CCDC73: variants seen among roughly 807,000 people sequenced by gnomAD.
CCDC73 encodes coiled-coil domain-containing protein 73.
In CCDC73, 95 loss-of-function variants were observed where a neutral mutation model predicts 116.5. The observed-to-expected ratio is 0.82, with a 90% CI of 0.69 to 0.97. The LOEUF is 0.97. Among genes scored for constraint, CCDC73 ranks in the 50% least tolerant of loss-of-function variants. The pLI, the probability that CCDC73 is intolerant of heterozygous loss-of-function variation, is 0.00. For missense variants in CCDC73, 1,066 were observed against 1,206.8 expected (o/e 0.88, Z 1.73); for synonymous variants, 398 against 401.3 (o/e 0.99, Z 0.10).
intron 10 of CCDC73, 130 bp from the exon 11 acceptor site, chr11:32,654,167 G>A: frequency 1.2e-6 from 1 of 829,748 alleles, no homozygotes; most frequent in Non-Finnish European, 1.7e-6. Flanking sequence ...TTGTTTTTTT[G>A]TTTGTTTATT....
At chr11:32,749,888 T>C (rs76771854) in intron 2 of CCDC73, among the ~76,000 whole-genome samples, 1 of 143,382 alleles carries the variant, frequency 7.0e-6, no homozygotes, top group East Asian at 1.9e-4. Context: ...TTTTTTTTTT[T>C]GAGACGGAGT....
intron 3 of CCDC73, among the ~76,000 whole-genome samples, chr11:32,715,254 C>A (rs1422159027): frequency 6.6e-6 from 1 of 152,082 alleles, no homozygotes; most frequent in Non-Finnish European, 1.5e-5. Flanking sequence ...TGGTGTGAGT[C>A]CAATTACTAA....
chr11:32,646,059 CCA>C (rs1398722307), intron 12 of CCDC73, among the ~76,000 whole-genome samples: 3 of 152,072 alleles, frequency 2.0e-5, no homozygotes, highest in Admixed American at 6.5e-5. Context: ...GGAGAATAAA[CCA>C]CAGTCTCTAT....
Position 32,702,820 on chromosome 11 carries a change from G to A in CCDC73, c.279+53C>T. ...GCTTGCCATAATATTCATAGGAGGG[G>A]GAGGAAATGCAATATTTAAAATGGT... On this transcript the variant is annotated intron_variant, in intron 4 of 17. Coordinates refer to ENST00000335185, the MANE Select transcript of CCDC73 (RefSeq NM_001008391.4). 1.0e-5 allele frequency: 12 copies of A among 1,178,436 alleles called. No individual in the cohort carries two copies. In the South Asian group the frequency reaches 1.5e-4, roughly 14 times the overall value. 73.0% of individuals were successfully genotyped at this position (1,178,436 alleles called of 1,614,324 possible).
intron 12 of CCDC73, among the ~76,000 whole-genome samples, chr11:32,645,479 C>T (rs567220766): frequency 3.8e-4 from 58 of 151,832 alleles, no homozygotes; most frequent in Non-Finnish European, 4.6e-4. Flanking sequence ...TTAGTAGAGA[C>T]GGGGTTTCAC....
chr11:32,830,482 T>G, the CCDC73 span: 1 of 1,441,060 alleles, frequency 6.9e-7, no homozygotes, highest in Admixed American at 2.6e-5. Context: ...CCTTTTTTTT[T>G]TAATATTTTT....
At chr11:32,769,226 T>C (rs780899087) in intron 1 of CCDC73, among the ~76,000 whole-genome samples, 5 of 152,186 alleles carry the variant, frequency 3.3e-5, no homozygotes, top group Non-Finnish European at 2.9e-5. Context: ...ATAACAATGA[T>C]TTAAATTTCT....
chr11:32,816,138 G>A, the CCDC73 span, among the ~76,000 whole-genome samples: 4 of 152,204 alleles, frequency 2.6e-5, no homozygotes, highest in East Asian at 1.9e-4. Flanking sequence ...GGTTTAATGC[G>A]GTAAGTTCCA....
At chr11:32,750,151 T>C (rs1415370052) in intron 2 of CCDC73, among the ~76,000 whole-genome samples, 1 of 152,190 alleles carries the variant, frequency 6.6e-6, no homozygotes, top group Non-Finnish European at 1.5e-5. Flanking sequence ...ATTACAGGCG[T>C]GAGCCAACGC....
intron 2 of CCDC73, among the ~76,000 whole-genome samples, chr11:32,739,932 T>C (rs1850168949): frequency 6.6e-6 from 1 of 151,862 alleles, no homozygotes; most frequent in African/African-American, 2.4e-5. Context: ...TCAGAATAAA[T>C]TGGAATAGTT....
At position 32,607,971 on chromosome 11, in the gene CCDC73, T is replaced by C. The variant is rs1225489132; in HGVS notation, c.3030+3161A>G. 2.0e-5 allele frequency among the ~76,000 whole-genome samples: 3 copies of C among 152,118 alleles called. No individual in the cohort carries two copies. In the East Asian group the frequency reaches 5.8e-4, roughly 29 times the overall value. ...AAGCCATCTGATCTCATGAGACTTA[T>C]TCACTATCACAAGAATATTTCACTA... On this transcript the variant is annotated intron_variant, in intron 17 of 17. Transcript: ENST00000335185.
chr11:32,657,017 G>T (rs1855880152), intron 9 of CCDC73, among the ~76,000 whole-genome samples: 1 of 152,144 alleles, frequency 6.6e-6, no homozygotes, highest in South Asian at 2.1e-4. Flanking sequence ...ATCACATAGA[G>T]AGTTATTAGA....
chr11:32,609,616 G>C (rs1300018805), intron 17 of CCDC73, among the ~76,000 whole-genome samples: 5 of 152,106 alleles, frequency 3.3e-5, no homozygotes, highest in Middle Eastern at 3.4e-3. Flanking sequence ...ACATTTTCGG[G>C]TATCTTTTCA....
chr11:32,660,229 C>CAAAAAAAA (rs11310092), intron 9 of CCDC73, among the ~76,000 whole-genome samples: 3 of 66,506 alleles, frequency 4.5e-5, no homozygotes, highest in African/African-American at 1.8e-4. Context: ...TTCTCTCTAC[C>CAAAAAAAA]AAAAAAAAAA....
chr11:32,784,246 C>T lies in CCDC73; in HGVS notation c.-16+10367G>A, dbSNP rs1218597578. Among the ~76,000 whole-genome samples, 4 of 151,912 alleles carry T rather than the reference C, an allele frequency of 2.6e-5. No homozygotes were observed. In the East Asian group the frequency reaches 7.7e-4, roughly 29 times the overall value. On this transcript the variant is annotated intron_variant, in intron 1 of 17. Coordinates refer to ENST00000335185, the MANE Select transcript of CCDC73 (RefSeq NM_001008391.4). Reference sequence around the variant, plus strand: ...TCAAGAGGCTGAGGCAGGAGAATCGCTTGAACCTGGGAGGCAGAGTTTTGG... The same window carrying T: ...TCAAGAGGCTGAGGCAGGAGAATCGTTTGAACCTGGGAGGCAGAGTTTTGG...
intron 9 of CCDC73, among the ~76,000 whole-genome samples, chr11:32,663,042 T>C (rs924133419): frequency 2.6e-5 from 4 of 152,180 alleles, no homozygotes; most frequent in African/African-American, 9.7e-5. Flanking sequence ...GTTCCATTGG[T>C]CTATATCTCT....
upstream of CCDC73, among the ~76,000 whole-genome samples, chr11:32,796,243 G>A (rs1270237124): frequency 6.6e-6 from 1 of 152,196 alleles, no homozygotes; most frequent in African/African-American, 2.4e-5. Context: ...AAACAGAGAT[G>A]AATTTTGTTC....
chr11:32,781,818 G>A (rs1222540374), intron 1 of CCDC73, among the ~76,000 whole-genome samples: 1 of 152,214 alleles, frequency 6.6e-6, no homozygotes, highest in Non-Finnish European at 1.5e-5. Context: ...CAGATTGGAA[G>A]GAAGTGTGTG....
chr11:32,683,008 T>C (rs1856162217), intron 7 of CCDC73: 1 of 154,802 alleles, frequency 6.5e-6, no homozygotes, highest in Admixed American at 6.4e-5. Flanking sequence ...AATAAGAGGT[T>C]TTAGAGTTTT....
Sources: gnomAD v4.1 joint callset for allele counts (sites outside exome capture counted in the v4.1 genomes callset) on GRCh38, gnomAD v4.1.1 for gene constraint, MANE v1.5 for transcripts, NCBI Gene and HGNC (gene_info 2026-07-23, HGNC 2026-07-21) for gene names.